The following CACNA2D1 variants were observed in gnomAD, a reference collection of about 807,000 sequenced individuals.
The protein encoded by CACNA2D1 is voltage-dependent calcium channel subunit alpha-2/delta-1.
Under a neutral mutation model 171.5 loss-of-function variants are expected in CACNA2D1, and 53 were observed. The ratio of observed to expected loss-of-function variants is 0.31; its 90% CI spans 0.25 to 0.39. CACNA2D1 has a LOEUF of 0.39. Ranked by LOEUF, CACNA2D1 falls within the 10% of genes least tolerant of loss-of-function variation. The probability of loss-of-function intolerance (pLI) is 1.00; values close to 1 mark genes in which losing one functional copy is unlikely to be tolerated. For missense variants in CACNA2D1, 903 were observed against 1,299.8 expected (o/e 0.69, Z 4.69); for synonymous variants, 442 against 443.1 (o/e 1.00, Z 0.03).
intron 3 of CACNA2D1, among the ~76,000 whole-genome samples, chr7:82,257,656 C>G (rs1806466439): frequency 6.6e-6 from 1 of 152,166 alleles, no homozygotes; most frequent in South Asian, 2.1e-4. Context: ...ATCTCTCCTC[C>G]TTTTGTGGTG....
intron 3 of CACNA2D1, among the ~76,000 whole-genome samples, chr7:82,192,749 C>CT (rs201695555): frequency 0.048 from 6,753 of 140,612 alleles, 327 homozygotes; most frequent in African/African-American, 0.12. Context: ...GCAGCTGTTC[C>CT]TTTTTTTTTT....
At chr7:82,241,646 C>T (rs190960534) in intron 3 of CACNA2D1, among the ~76,000 whole-genome samples, 59 of 150,298 alleles carry the variant, frequency 3.9e-4, no homozygotes, top group African/African-American at 1.4e-3. Context: ...GAGAAAGAAG[C>T]AGAGGGGGGA....
chr7:82,386,088 G>C (rs1007639234), intron 1 of CACNA2D1, among the ~76,000 whole-genome samples: 3 of 152,016 alleles, frequency 2.0e-5, no homozygotes, highest in Non-Finnish European at 4.4e-5. Context: ...TTGGTTCTTG[G>C]AATGACTATG....
At chr7:82,098,585 T>C (rs1457487017) in intron 6 of CACNA2D1, among the ~76,000 whole-genome samples, 5 of 152,290 alleles carry the variant, frequency 3.3e-5, no homozygotes, top group Non-Finnish European at 5.9e-5. Context: ...GATGAGGTAA[T>C]CTACTGTGCC....
chr7:82,357,839 T>A (rs918260221), intron 1 of CACNA2D1, among the ~76,000 whole-genome samples: 1 of 149,848 alleles, frequency 6.7e-6, no homozygotes, highest in East Asian at 2.0e-4. Flanking sequence ...TGTGCACATG[T>A]ACCCTAAAAC....
chr7:82,387,520 A>G (rs901195268), intron 1 of CACNA2D1, among the ~76,000 whole-genome samples: 7 of 152,208 alleles, frequency 4.6e-5, no homozygotes, highest in African/African-American at 1.7e-4. Flanking sequence ...ATGTTTAATC[A>G]TGCTGGGAAG....
chr7:82,223,084 T>C (rs1801970028), intron 3 of CACNA2D1, among the ~76,000 whole-genome samples: 1 of 152,016 alleles, frequency 6.6e-6, no homozygotes, highest in Non-Finnish European at 1.5e-5. Context: ...TTTTGTATTT[T>C]TAGTAGAGAC....
intron 3 of CACNA2D1, among the ~76,000 whole-genome samples, chr7:82,178,592 G>A (rs995103514): frequency 4.6e-5 from 7 of 151,920 alleles, no homozygotes; most frequent in Admixed American, 1.3e-4. Flanking sequence ...GAAAATCTAC[G>A]TTTAATATAT....
At chr7:82,040,509 A>T (rs1474057702) in intron 10 of CACNA2D1, among the ~76,000 whole-genome samples, 1 of 151,574 alleles carries the variant, frequency 6.6e-6, no homozygotes, top group Non-Finnish European at 1.5e-5. Context: ...TTAAAGCCAT[A>T]GGAAAACAAA....
At chr7:82,241,738 G>A (rs1476714723) in intron 3 of CACNA2D1, among the ~76,000 whole-genome samples, 1 of 151,972 alleles carries the variant, frequency 6.6e-6, no homozygotes, top group Admixed American at 6.6e-5. Context: ...GTTAATTCTG[G>A]GCCCAGTCAC....
chr7:82,332,510 TAAAGAAAGAAAGAAAGAAAGAAAG>T (rs757450961), intron 3 of CACNA2D1, among the ~76,000 whole-genome samples: 2 of 92,556 alleles, frequency 2.2e-5, no homozygotes, highest in Admixed American at 1.1e-4. Context: ...AAAAGAAATA[TAAAGAAAGAAAGAAAGAAAGAAAG>T]AAAGAAAGAA....
At chr7:82,154,287 C>T (rs1213052237) in intron 4 of CACNA2D1, among the ~76,000 whole-genome samples, 1 of 152,116 alleles carries the variant, frequency 6.6e-6, no homozygotes, top group Non-Finnish European at 1.5e-5. Context: ...TATTTGTCAG[C>T]AGAACGCTCA....
intron 5 of CACNA2D1, among the ~76,000 whole-genome samples, chr7:82,130,593 G>A (rs184564089): frequency 5.9e-5 from 9 of 152,038 alleles, no homozygotes; most frequent in Admixed American, 3.9e-4. Context: ...TGATTGATAT[G>A]AGTACTAGGA....
intron 1 of CACNA2D1, among the ~76,000 whole-genome samples, chr7:82,373,086 AG>A: frequency 6.6e-6 from 1 of 152,280 alleles, no homozygotes; most frequent in East Asian, 1.9e-4. Context: ...CAGGAGGCTG[AG>A]GCACAAGAAT....
At chr7:82,292,949 T>A (rs1057494567) in intron 3 of CACNA2D1, among the ~76,000 whole-genome samples, 1 of 151,996 alleles carries the variant, frequency 6.6e-6, no homozygotes, top group Non-Finnish European at 1.5e-5. Context: ...CACACACACA[T>A]ACACATTAAA....
intron 10 of CACNA2D1, among the ~76,000 whole-genome samples, chr7:82,044,707 TA>T (rs1420234502): frequency 6.6e-6 from 1 of 152,036 alleles, no homozygotes; most frequent in Non-Finnish European, 1.5e-5. Flanking sequence ...TGCAGGAAAA[TA>T]AAAGGAAAAT....
chr7:82,250,798 C>G (rs1175966435), intron 3 of CACNA2D1, among the ~76,000 whole-genome samples: 11 of 152,076 alleles, frequency 7.2e-5, no homozygotes, highest in South Asian at 6.2e-4. Flanking sequence ...TTCTGGTTTA[C>G]TGGTAATTTC....
chr7:82,098,340 C>T (rs896091781), intron 6 of CACNA2D1, among the ~76,000 whole-genome samples: 2 of 152,060 alleles, frequency 1.3e-5, no homozygotes, highest in African/African-American at 4.8e-5. Context: ...TTATAAATTC[C>T]ATGTATCTAT....
At chr7:82,112,073 ACT>A (rs1788539490) in intron 6 of CACNA2D1, among the ~76,000 whole-genome samples, 1 of 152,070 alleles carries the variant, frequency 6.6e-6, no homozygotes, top group African/African-American at 2.4e-5. Flanking sequence ...ATAAATATTA[ACT>A]CTATAGTTTC....
Sources: gnomAD v4.1 joint callset for allele counts (sites outside exome capture counted in the v4.1 genomes callset) on GRCh38, gnomAD v4.1.1 for gene constraint, MANE v1.5 for transcripts, NCBI Gene and HGNC (gene_info 2026-07-23, HGNC 2026-07-21) for gene names.